SETD3: variants seen among roughly 807,000 people sequenced by gnomAD.
SETD3 encodes actin-histidine N-methyltransferase.
A neutral mutation model predicts 63.0 loss-of-function variants in SETD3; 19 were observed. The observed-to-expected ratio is 0.30, with a 90% CI of 0.21 to 0.44. The LOEUF is 0.44. SETD3 is among the 20% of genes least tolerant of loss of function. The pLI is 1.00. For missense variants in SETD3, 587 were observed against 728.5 expected (o/e 0.81, Z 2.24); for synonymous variants, 286 against 264.1 (o/e 1.08, Z -0.80).
At chr14:99,452,949 G>A (rs1894546445) in intron 6 of SETD3, among the ~76,000 whole-genome samples, 1 of 152,208 alleles carries the variant, frequency 6.6e-6, no homozygotes, top group African/African-American at 2.4e-5. Flanking sequence ...AATTGCGAAT[G>A]AGGTTCTTGA....
chr14:99,461,102 C>T (rs1895038414), intron 4 of SETD3, 90 bp downstream of exon 4: 2 of 1,461,258 alleles, frequency 1.4e-6, no homozygotes, highest in Non-Finnish European at 1.9e-6. Context: ...AACTCCCCCA[C>T]CACACGTCTA....
At chr14:99,420,521 C>G (rs1026738413) in intron 6 of SETD3, among the ~76,000 whole-genome samples, 9 of 152,130 alleles carry the variant, frequency 5.9e-5, no homozygotes, top group Non-Finnish European at 1.0e-4. Context: ...CCAGGGGAAT[C>G]TGATCTCCAC....
chr14:99,442,567 C>T (rs573108826), intron 6 of SETD3, among the ~76,000 whole-genome samples: 2 of 152,248 alleles, frequency 1.3e-5, no homozygotes, highest in Admixed American at 6.5e-5. Context: ...GTCACAATGA[C>T]GAAGATGAAG....
At chr14:99,485,996 A>C in the SETD3 span, among the ~76,000 whole-genome samples, 1 of 152,348 alleles carries the variant, frequency 6.6e-6, no homozygotes, top group South Asian at 2.1e-4. Flanking sequence ...TATTTTCTTG[A>C]AATATAATCC....
chr14:99,411,048 G>A (rs539399391), intron 8 of SETD3, among the ~76,000 whole-genome samples: 6 of 152,172 alleles, frequency 3.9e-5, no homozygotes, highest in Non-Finnish European at 8.8e-5. Context: ...ACTTTGTAGT[G>A]TTAAAAAATA....
chr14:99,469,737 C>A (rs183110340), intron 1 of SETD3, among the ~76,000 whole-genome samples: 1 of 152,030 alleles, frequency 6.6e-6, no homozygotes, highest in Non-Finnish European at 1.5e-5. Flanking sequence ...CAGAGGGAGA[C>A]CCTGACTAAA....
intron 4 of SETD3, among the ~76,000 whole-genome samples, chr14:99,459,591 G>A (rs963055620): frequency 1.3e-5 from 2 of 152,136 alleles, no homozygotes; most frequent in African/African-American, 2.4e-5. Context: ...ATCTGTCGAT[G>A]TGAATTACTA....
chr14:99,459,231 G>C, intron 4 of SETD3, 46 bp from the exon 5 acceptor site: 1 of 1,355,152 alleles, frequency 7.4e-7, no homozygotes, highest in South Asian at 1.2e-5. Flanking sequence ...ACACGGTACA[G>C]TCTTCAATCC....
At chr14:99,468,961 T>G (rs1310015764) in intron 1 of SETD3, among the ~76,000 whole-genome samples, 1 of 152,184 alleles carries the variant, frequency 6.6e-6, no homozygotes. Flanking sequence ...GCACAGGTCT[T>G]AGGTCAGGTT....
Position 99,480,814 on chromosome 14 carries a change from C to T in SETD3, c.-95G>A. ...TCAACCAACCCCCAGGCGGTGGCGG[C>T]GGTGGCGGCGGCGGCGGCCGGACGG... is the stretch of plus-strand genomic sequence containing the variant. On this transcript the variant is annotated 5_prime_UTR_variant, in exon 1 of 13. Coordinates refer to ENST00000331768, the MANE Select transcript of SETD3 (RefSeq NM_032233.3). 6.2e-6 allele frequency: 1 copy of T among 162,330 alleles called. No homozygotes were observed. Among genetic ancestry groups the T allele is most frequent in the Non-Finnish European group, 1.3e-5 (1 of 76,998 alleles). 10.1% of individuals were successfully genotyped at this position (162,330 alleles called of 1,614,324 possible).
intron 8 of SETD3, among the ~76,000 whole-genome samples, chr14:99,409,499 G>A (rs1222425407): frequency 1.3e-5 from 2 of 152,156 alleles, no homozygotes; most frequent in Non-Finnish European, 2.9e-5. Context: ...CCTGCCTGCA[G>A]CGCACACCAC....
At chr14:99,414,178 C>G (rs1289662932) in intron 6 of SETD3, among the ~76,000 whole-genome samples, 3 of 152,246 alleles carry the variant, frequency 2.0e-5, no homozygotes, top group African/African-American at 7.2e-5. Flanking sequence ...GATACTAGCA[C>G]CCACAGACAA....
chr14:99,435,741 C>A (rs1271736113), intron 6 of SETD3, among the ~76,000 whole-genome samples: 6 of 120,458 alleles, frequency 5.0e-5, no homozygotes, highest in African/African-American at 7.4e-5. Context: ...CCCACCCCCC[C>A]ACCTTTTTTT....
rs536957865 is a variant in SETD3 at position 99,420,050 on chromosome 14, G to T, written c.676-6116C>A. On this transcript the variant is annotated intron_variant, in intron 6 of 12. Transcript: ENST00000331768. ...GGGGTACTGCCTAGCAGTGAAGACA[G>T]ATAAGTGACCAAAAAACCACAAAAG... is the stretch of plus-strand genomic sequence containing the variant. Among the ~76,000 whole-genome samples, 6 of 152,330 alleles carry T rather than the reference G, an allele frequency of 3.9e-5. No individual in the cohort carries two copies. The South Asian group carries it at 1.2e-3, about 32-fold the overall frequency.
In SETD3 at chr14:99,477,307, T is replaced by G. The variant is rs532544195; in HGVS notation, c.-9+3421A>C. On this transcript the variant is annotated intron_variant, in intron 1 of 12. Transcript: ENST00000331768. ...GTTCAATATCTGTGTTTTTATCTCG[T>G]TTTTACAGTCTGTTTATATCCAAAA... 2.6e-5 allele frequency among the ~76,000 whole-genome samples: 4 copies of G among 152,324 alleles called. No homozygotes were observed. The South Asian group carries it at 6.2e-4, about 24-fold the overall frequency.
intron 6 of SETD3, among the ~76,000 whole-genome samples, chr14:99,438,882 G>A (rs776331318): frequency 1.1e-4 from 17 of 152,182 alleles, no homozygotes; most frequent in Non-Finnish European, 2.4e-4. Flanking sequence ...CAGGGACTTT[G>A]CTTTCCAACA....
intron 6 of SETD3, among the ~76,000 whole-genome samples, chr14:99,437,847 A>G (rs1336637559): frequency 7.2e-5 from 11 of 152,180 alleles, no homozygotes; most frequent in Non-Finnish European, 8.8e-5. Flanking sequence ...CTTTGTCACT[A>G]CGTCACCTAC....
At position 99,461,158 on chromosome 14, in the gene SETD3, T is replaced by C. The variant is rs200310834; in HGVS notation, c.345+34A>G. 177 of 1,611,748 alleles carry C rather than the reference T, an allele frequency of 1.1e-4. 1 individual carries two copies. The highest frequency in any genetic ancestry group is 2.1e-4 in the South Asian group (19 of 90,842). On this transcript the variant is annotated intron_variant, in intron 4 of 12. Transcript: ENST00000331768. ...TACAGCACACCACAGTTCAAACACA[T>C]AGACCCCTTGAGACCAACATTTTAT...
intron 1 of SETD3, among the ~76,000 whole-genome samples, chr14:99,472,674 A>G (rs114849995): frequency 0.015 from 2,347 of 152,350 alleles, 61 homozygotes; most frequent in African/African-American, 0.054. Flanking sequence ...TGAATTAATT[A>G]TATGTGCATA....
Sources: gnomAD v4.1 joint callset for allele counts (sites outside exome capture counted in the v4.1 genomes callset) on GRCh38, gnomAD v4.1.1 for gene constraint, MANE v1.5 for transcripts, NCBI Gene and HGNC (gene_info 2026-07-23, HGNC 2026-07-21) for gene names.